BMPR1B: variants seen among roughly 807,000 people sequenced by gnomAD.
BMPR1B encodes bone morphogenetic protein receptor type 1B.
BMPR1B carries 12 observed loss-of-function variants against 59.1 expected under a neutral mutation model. The observed-to-expected ratio is 0.20, with a 90% CI of 0.13 to 0.33. The LOEUF (loss-of-function observed/expected upper bound fraction) is 0.33. BMPR1B is among the 10% of genes least tolerant of loss of function. The pLI is 1.00. For missense variants in BMPR1B, 550 were observed against 610.9 expected (o/e 0.90, Z 1.05); for synonymous variants, 237 against 207.3 (o/e 1.14, Z -1.23).
chr4:94,842,488 A>G (rs182457879), intron 1 of BMPR1B, among the ~76,000 whole-genome samples: 1 of 152,314 alleles, frequency 6.6e-6, no homozygotes, highest in Non-Finnish European at 1.5e-5. Context: ...ACTTTTATTT[A>G]CAAGTACATA....
intron 1 of BMPR1B, among the ~76,000 whole-genome samples, chr4:94,825,423 T>G (rs1020387827): frequency 1.4e-4 from 21 of 152,120 alleles, no homozygotes; most frequent in African/African-American, 4.8e-4. Context: ...GAGGATCCCT[T>G]GAGCCCAGGA....
At position 95,043,622 on chromosome 4, in the gene BMPR1B, G is replaced by T. The variant is rs1022741632; in HGVS notation, c.-18+47488G>T. 3.0e-4 allele frequency among the ~76,000 whole-genome samples: 46 copies of T among 152,146 alleles called. 1 individual carries two copies. The highest frequency in any genetic ancestry group is 1.8e-4 in the Non-Finnish European group (12 of 68,036). On this transcript the variant is annotated intron_variant, in intron 3 of 12. Coordinates refer to ENST00000515059, the MANE Select transcript of BMPR1B (RefSeq NM_001203.3). ...TAAATGATATTGTAGTAGATTTAAGGTATCATTCTATCATCAAATTCCATG... is the reference window on the plus strand; with the variant it reads ...TAAATGATATTGTAGTAGATTTAAGTTATCATTCTATCATCAAATTCCATG...
rs35717382 is a variant in BMPR1B, at chr4:95,061,202, CA to C, written c.-17-43205del. Among the ~76,000 whole-genome samples, 156 of 112,998 alleles carry C rather than the reference CA, an allele frequency of 1.4e-3. 2 individuals carry two copies. The highest frequency in any genetic ancestry group is 4.6e-3 in the African/African-American group (139 of 30,062). The allele number at this position is 112,998 out of a possible 152,430, so 74.1% of individuals were successfully genotyped here. A position where few individuals can be genotyped will look rare whatever the true frequency, so the allele number is the denominator to read the frequency against. ...ACACACACACACACACACACACACA[CA>C]CACACACCACACACCCCTCCATTGA... On this transcript the variant is annotated intron_variant, in intron 3 of 12. Coordinates refer to ENST00000515059, the MANE Select transcript of BMPR1B (RefSeq NM_001203.3).
intron 2 of BMPR1B, among the ~76,000 whole-genome samples, chr4:94,953,157 T>C (rs1730012443): frequency 6.6e-6 from 1 of 152,194 alleles, no homozygotes; most frequent in South Asian, 2.1e-4. Context: ...TGTGTGTCTC[T>C]GCACGTGAGA....
intron 1 of BMPR1B, among the ~76,000 whole-genome samples, chr4:94,865,161 C>T (rs951701849): frequency 6.6e-6 from 1 of 151,694 alleles, no homozygotes; most frequent in African/African-American, 2.4e-5. Flanking sequence ...AGGCATGTGC[C>T]ACCGTGCCTG....
At chr4:94,993,848 G>A (rs974786348) in intron 2 of BMPR1B, among the ~76,000 whole-genome samples, 4 of 151,384 alleles carry the variant, frequency 2.6e-5, no homozygotes, top group South Asian at 2.1e-4. Context: ...GTGAGGCAGC[G>A]AGATGGAAAT....
At chr4:94,865,388 G>GT (rs59399150) in intron 1 of BMPR1B, among the ~76,000 whole-genome samples, 177 of 142,870 alleles carry the variant, frequency 1.2e-3, no homozygotes, top group Admixed American at 4.3e-3. Context: ...TTCATGCTGG[G>GT]TTTTTTTTTT....
At chr4:95,112,622 A>G (rs980333000) in intron 4 of BMPR1B, among the ~76,000 whole-genome samples, 2 of 152,090 alleles carry the variant, frequency 1.3e-5, no homozygotes, top group African/African-American at 4.8e-5. Context: ...TTCCAACTAA[A>G]TATTTGATTC....
intron 1 of BMPR1B, among the ~76,000 whole-genome samples, chr4:94,843,920 C>T (rs1725206038): frequency 1.3e-5 from 2 of 152,050 alleles, no homozygotes; most frequent in Admixed American, 6.6e-5. Flanking sequence ...CAGCTCTAAA[C>T]CAGAAACTTC....
intron 1 of BMPR1B, among the ~76,000 whole-genome samples, chr4:94,866,786 G>A (rs1219923393): frequency 6.6e-6 from 1 of 152,114 alleles, no homozygotes; most frequent in Non-Finnish European, 1.5e-5. Context: ...GTTTCACCAT[G>A]TTGGCCAGGA....
At chr4:95,149,207 G>T (rs1734858782) in intron 11 of BMPR1B, among the ~76,000 whole-genome samples, 1 of 151,912 alleles carries the variant, frequency 6.6e-6, no homozygotes, top group Non-Finnish European at 1.5e-5. Context: ...TTCTGTCTTG[G>T]GTTCTTCCTC....
chr4:94,834,153 T>C (rs963776807), intron 1 of BMPR1B, among the ~76,000 whole-genome samples: 2 of 152,194 alleles, frequency 1.3e-5, no homozygotes, highest in African/African-American at 4.8e-5. Flanking sequence ...TTGAGCTGCT[T>C]TCCAAGGCTG....
intron 3 of BMPR1B, among the ~76,000 whole-genome samples, chr4:94,998,769 A>C (rs911937760): frequency 6.6e-6 from 1 of 152,096 alleles, no homozygotes. Flanking sequence ...CTGCTTATAG[A>C]TAAAGACCAG....
At chr4:95,003,047 G>T (rs113607805) in intron 3 of BMPR1B, among the ~76,000 whole-genome samples, 7 of 151,838 alleles carry the variant, frequency 4.6e-5, no homozygotes, top group African/African-American at 1.7e-4. Flanking sequence ...AGTTGCAACT[G>T]CTTTCCTAAG....
chr4:94,825,743 A>G (rs1724360072), intron 1 of BMPR1B, among the ~76,000 whole-genome samples: 2 of 152,320 alleles, frequency 1.3e-5, no homozygotes, highest in Middle Eastern at 3.4e-3. Context: ...CCTTTATACA[A>G]ATATCAAAAT....
chr4:95,091,386 A>G, intron 3 of BMPR1B: 1 of 871,986 alleles, frequency 1.1e-6, no homozygotes, highest in Non-Finnish European at 1.4e-6. Context: ...GCTTGACCGG[A>G]ATAATGTCTC....
chr4:95,094,339 T>G (rs1388627657), intron 3 of BMPR1B, among the ~76,000 whole-genome samples: 1 of 151,536 alleles, frequency 6.6e-6, no homozygotes, highest in Admixed American at 6.6e-5. Context: ...GTGATTAATC[T>G]AGAAAGGAAG....
intron 2 of BMPR1B, among the ~76,000 whole-genome samples, chr4:94,976,924 T>C (rs1384938781): frequency 6.6e-6 from 1 of 152,196 alleles, no homozygotes; most frequent in African/African-American, 2.4e-5. Flanking sequence ...TGATTCATCA[T>C]TCTTTTTCCA....
Position 95,094,835 on chromosome 4 carries a change from CCTTAT to C in BMPR1B, c.-17-9569_-17-9565del, listed in dbSNP as rs539332835. 4.5e-4 allele frequency among the ~76,000 whole-genome samples: 69 copies of C among 152,164 alleles called. 1 individual carries two copies. Among genetic ancestry groups the C allele is most frequent in the Admixed American group, 4.0e-3 (61 of 15,260 alleles). On this transcript the variant is annotated intron_variant, in intron 3 of 12. Coordinates refer to ENST00000515059, the MANE Select transcript of BMPR1B (RefSeq NM_001203.3). ...CCAGAAATTTAGCACCAACATCTTC[CCTTAT>C]CTTTTATCTGATTTCTGTCTGTTGA...
Sources: gnomAD v4.1 joint callset for allele counts (sites outside exome capture counted in the v4.1 genomes callset) on GRCh38, gnomAD v4.1.1 for gene constraint, MANE v1.5 for transcripts, NCBI Gene and HGNC (gene_info 2026-07-23, HGNC 2026-07-21) for gene names.